Variants in TMC2 observed in about 807,000 individuals in gnomAD.
The protein encoded by TMC2 is transmembrane channel like 2.
In TMC2, 102 loss-of-function variants were observed where a neutral mutation model predicts 105.9. The ratio of observed to expected loss-of-function variants is 0.96; its 90% CI spans 0.82 to 1.14. The LOEUF is 1.14. TMC2 is among the 50% of genes most tolerant of loss of function. TMC2 has a pLI of 0.00. For missense variants in TMC2, 1,093 were observed against 1,134.3 expected, an observed-to-expected ratio of 0.96 and a Z score of 0.52; for synonymous variants, 402 against 422.8, an observed-to-expected ratio of 0.95 and a Z score of 0.60.
Position 2,641,151 on chromosome 20 carries a change from G to A in TMC2, c.2521G>A (p.Ala841Thr). Residue 841 changes from alanine (A) to threonine (T), a missense_variant, in exon 20 of 20, where the codon GCC becomes ACC. Ala to Thr is a moderately conservative substitution (Grantham distance 58, BLOSUM62 0). Coordinates refer to ENST00000358864, the MANE Select transcript of TMC2 (RefSeq NM_080751.3). ...LTKEETTPPS[A>T]SQSQAMDKKA... ...TTTTCCAGAGACCACTCCTCCCTCTGCCAGCCAAAGCCAGGCCATGGACAA... is the reference window on the plus strand; with the variant it reads ...TTTTCCAGAGACCACTCCTCCCTCTACCAGCCAAAGCCAGGCCATGGACAA... 6.2e-7 allele frequency: 1 copy of A among 1,614,056 alleles called. No homozygotes were observed. The highest frequency in any genetic ancestry group is 8.5e-7 in the Non-Finnish European group (1 of 1,180,008).
At chr20:2,601,605 C>T (rs562796679) in intron 10 of TMC2, among the ~76,000 whole-genome samples, 13 of 152,206 alleles carry the variant, frequency 8.5e-5, no homozygotes, top group African/African-American at 3.1e-4. Context: ...GTTTGGGAGG[C>T]TGAGGCAGGC....
intron 4 of TMC2, among the ~76,000 whole-genome samples, chr20:2,571,855 A>C (rs1005101849): frequency 6.6e-6 from 1 of 152,192 alleles, no homozygotes; most frequent in Non-Finnish European, 1.5e-5. Context: ...AAATAAATAA[A>C]ATAAAATCAG....
At chr20:2,579,923 C>T (rs2086176459) in intron 6 of TMC2, 27 bp from the exon 7 acceptor site, 4 of 1,532,458 alleles carry the variant, frequency 2.6e-6, no homozygotes, top group Non-Finnish European at 3.6e-6. Context: ...CTGCAGCACT[C>T]ATACCCACCG....
intron 3 of TMC2, among the ~76,000 whole-genome samples, 187 bp from the exon 4 acceptor site, chr20:2,561,671 C>G (rs1178066545): frequency 6.6e-6 from 1 of 152,192 alleles, no homozygotes; most frequent in East Asian, 1.9e-4. Context: ...GATGGGGAGG[C>G]AGCCCTCCAG....
intron 16 of TMC2, 41 bp downstream of exon 16, chr20:2,617,352 G>A: frequency 6.2e-7 from 1 of 1,612,380 alleles, no homozygotes; most frequent in South Asian, 1.1e-5. Flanking sequence ...CCCCTCCCGA[G>A]GCAGTCTGCT....
At chr20:2,579,525 G>A (rs9941778) in intron 6 of TMC2, among the ~76,000 whole-genome samples, 5,518 of 151,752 alleles carry the variant, frequency 0.036, 307 homozygotes, top group African/African-American at 0.12. Flanking sequence ...AGGTTCAAGC[G>A]ATTCTTCTGT....
chr20:2,570,525 T>C (rs911418200), intron 4 of TMC2, among the ~76,000 whole-genome samples: 9 of 151,738 alleles, frequency 5.9e-5, no homozygotes, highest in Non-Finnish European at 1.2e-4. Flanking sequence ...CAAAAAAAAA[T>C]CCATGCTCAT....
rs756782941 is a variant in TMC2, at chr20:2,558,705, C to G, written c.332C>G (p.Thr111Arg). The G allele has an allele frequency of 6.2e-7, 1 of 1,604,408 alleles. No homozygotes were observed. Among genetic ancestry groups the G allele is most frequent in the East Asian group, 2.2e-5 (1 of 44,712 alleles). ...RDERASFQER[T>R]AAPKREKEIP... is the part of the protein sequence containing the mutation. ...GAGAGGGCCTCCTTCCAGGAGCGGA[C>G]AGCAGCCCCAAAGAGGGAAAAGGAG... The change falls in exon 3 of 20, where the codon ACA (threonine) becomes AGA (arginine). Residue 111 changes from threonine to arginine, a missense_variant. Transcript: ENST00000358864. The surrounding 1 kb of genome is among the most constrained non-coding windows in gnomAD (Gnocchi z 4.6).
chr20:2,560,697 C>T (rs542586192), intron 3 of TMC2, among the ~76,000 whole-genome samples: 14 of 152,052 alleles, frequency 9.2e-5, no homozygotes, highest in Non-Finnish European at 1.9e-4. Context: ...ATTAGCCAGG[C>T]GTGGTGGCGG....
rs1055977937 is a variant in TMC2, at chr20:2,617,198, C to T, written c.2067C>T (p.Ser689=). Residue 689 remains serine (S), a synonymous_variant, in exon 16 of 20, where the codon TCC becomes TCT. Coordinates refer to ENST00000358864, the MANE Select transcript of TMC2 (RefSeq NM_080751.3). ...NVPHERVFKA[S]RSNNFYMGLL... ...CCCATGAACGCGTGTTCAAAGCCTC[C>T]CGATCCAACAACTTCTACATGGGCC... is the stretch of plus-strand genomic sequence containing the variant. 6.2e-7 allele frequency: 1 copy of T among 1,614,098 alleles called. No homozygotes were observed. The highest frequency in any genetic ancestry group is 8.5e-7 in the Non-Finnish European group (1 of 1,180,046).
chr20:2,636,094 T>C (rs557701076), intron 18 of TMC2, 90 bp downstream of exon 18: 1 of 1,100,122 alleles, frequency 9.1e-7, no homozygotes, highest in South Asian at 1.3e-5. Flanking sequence ...AGCTGTGTTA[T>C]CTAAATGGCT....
intron 14 of TMC2, 55 bp downstream of exon 14, chr20:2,613,377 G>A (rs184998895): frequency 2.7e-5 from 43 of 1,611,292 alleles, no homozygotes; most frequent in Admixed American, 3.3e-5. Context: ...TATCTTCTTT[G>A]ATACTTATAG....
chr20:2,594,391 C>A (rs2086290518), intron 8 of TMC2, among the ~76,000 whole-genome samples: 1 of 152,018 alleles, frequency 6.6e-6, no homozygotes, highest in Non-Finnish European at 1.5e-5. Context: ...TTACACCTGG[C>A]AAATTTTTGT....
At chr20:2,612,389 G>A (rs768519515) in intron 13 of TMC2, 49 bp downstream of exon 13, 2 of 1,434,406 alleles carry the variant, frequency 1.4e-6, no homozygotes, top group South Asian at 1.7e-5. Flanking sequence ...TCAGTTCTTT[G>A]TTATTCCCTC....
At chr20:2,618,554 C>T (rs1238796134) in intron 16 of TMC2, among the ~76,000 whole-genome samples, 1 of 152,212 alleles carries the variant, frequency 6.6e-6, no homozygotes, top group East Asian at 1.9e-4. Context: ...TGACAGACCT[C>T]AACTGAGCTC....
chr20:2,612,620 A>T (rs1392530941), intron 13 of TMC2, among the ~76,000 whole-genome samples: 1 of 152,228 alleles, frequency 6.6e-6, no homozygotes, highest in East Asian at 1.9e-4. Context: ...ACAAATGCAG[A>T]GAAAGCTTTG....
chr20:2,562,945 C>CA (rs1002858411), intron 4 of TMC2, among the ~76,000 whole-genome samples: 71 of 145,138 alleles, frequency 4.9e-4, no homozygotes, highest in South Asian at 3.9e-3. Flanking sequence ...GACTCTGTAT[C>CA]AAAAAAAAAA....
chr20:2,596,749 G>A (rs1471220100), intron 9 of TMC2, among the ~76,000 whole-genome samples: 24 of 151,792 alleles, frequency 1.6e-4, no homozygotes, highest in Non-Finnish European at 5.9e-5. Context: ...GTGTGTATGT[G>A]TGTGTGTGTT....
chr20:2,593,758 T>C (rs947700359), intron 8 of TMC2, among the ~76,000 whole-genome samples: 2 of 152,196 alleles, frequency 1.3e-5, no homozygotes, highest in Non-Finnish European at 2.9e-5. Context: ...GTTGCTGGAG[T>C]GATCTTTATA....
Sources: gnomAD v4.1 joint callset for allele counts (sites outside exome capture counted in the v4.1 genomes callset) on GRCh38, gnomAD v4.1.1 for gene constraint, Gnocchi (gnomAD v3.1) non-coding constraint, MANE v1.5 for transcripts, NCBI Gene and HGNC (gene_info 2026-07-23, HGNC 2026-07-21) for gene names.